The following FANCA variants were observed in gnomAD, a reference collection of about 807,000 sequenced individuals.
The protein encoded by FANCA is FA complementation group A.
In FANCA, 236 loss-of-function variants were observed where a neutral mutation model predicts 194.3. The observed-to-expected ratio is 1.21, with a 90% CI of 1.09 to 1.35. The LOEUF is 1.35. Among genes scored for constraint, FANCA ranks in the 40% most tolerant of loss-of-function variants. The pLI, the probability that FANCA is intolerant of heterozygous loss-of-function variation, is 0.00. For synonymous variants in FANCA, 1,014 were observed against 715.8 expected (o/e 1.42, Z -6.65); for missense variants, 2,628 against 1,813.9 (o/e 1.45, Z -8.15).
chr16:89,812,817 G>A lies in FANCA; in HGVS notation c.283+1703C>T, dbSNP rs181601717. ...CAGGAGGCCGAGGCGGGTCGATCAC[G>A]AGGTCAGGAGTTTGAGACCAGCCTG... is the stretch of plus-strand genomic sequence containing the variant. On this transcript the variant is annotated intron_variant, in intron 3 of 42. Transcript: ENST00000389301. Among the ~76,000 whole-genome samples the A allele has an allele frequency of 4.8e-4, 73 of 151,384 alleles. 1 individual carries two copies. The highest frequency in any genetic ancestry group is 4.7e-3 in the Admixed American group (71 of 15,206).
chr16:89,752,459 G>A (rs984405195), intron 30 of FANCA, among the ~76,000 whole-genome samples: 1 of 152,184 alleles, frequency 6.6e-6, no homozygotes, highest in Admixed American at 6.5e-5. Context: ...AAGGATGTGG[G>A]TGGCAAGCCA....
At chr16:89,750,263 C>G (rs1024416801) in intron 31 of FANCA, among the ~76,000 whole-genome samples, 5 of 151,802 alleles carry the variant, frequency 3.3e-5, no homozygotes, top group Admixed American at 3.3e-4. Context: ...AGGAGGATCA[C>G]GAGGTCAGGA....
At chr16:89,799,276 C>G (rs145701654) in intron 9 of FANCA, 44 bp from the exon 10 acceptor site, 1 of 1,609,798 alleles carries the variant, frequency 6.2e-7, no homozygotes, top group Non-Finnish European at 8.5e-7. Context: ...CAGCACACGG[C>G]GGCAGCCCAC....
At chr16:89,807,872 G>C (rs911419330) in intron 6 of FANCA, among the ~76,000 whole-genome samples, 1 of 151,422 alleles carries the variant, frequency 6.6e-6, no homozygotes, top group African/African-American at 2.4e-5. Flanking sequence ...GACAGAACGA[G>C]ACTCTGTCCC....
chr16:89,749,461 A>C (rs975311464), intron 32 of FANCA, among the ~76,000 whole-genome samples: 9 of 152,230 alleles, frequency 5.9e-5, no homozygotes, highest in African/African-American at 2.2e-4. Context: ...TCCTGACCTC[A>C]GGTGATCCAC....
At position 89,803,285 on chromosome 16, in the gene FANCA, T is replaced by G; in HGVS notation, c.766A>C (p.Thr256Pro). ...TGCGGCATTTTTTCAGGCTCCACAG[T>G]TCTTCTCAGATCTGAGTTTTTCTGA... ...GFQKNSDLRR[T>P]VEPEKMPQVT... The change falls in exon 8 of 43, where the codon ACT becomes CCT. Residue 256 changes from threonine to proline, a missense_variant. By Grantham distance (38) the Thr-to-Pro change is conservative. Coordinates refer to ENST00000389301, the MANE Select transcript of FANCA (RefSeq NM_000135.4). 6.2e-7 allele frequency: 1 copy of G among 1,614,080 alleles called. No homozygotes were observed. The highest frequency in any genetic ancestry group is 8.5e-7 in the Non-Finnish European group (1 of 1,180,000).
intron 27 of FANCA, 138 bp from the exon 28 acceptor site, chr16:89,765,204 T>C: frequency 9.6e-7 from 1 of 1,046,458 alleles, no homozygotes; most frequent in South Asian, 1.4e-5. Flanking sequence ...GTCCAGCCCC[T>C]GGGAGGGCGC....
At position 89,762,039 on chromosome 16, in the gene FANCA, G is replaced by C. The variant is rs1370919778; in HGVS notation, c.2779-17C>G. The C allele has an allele frequency of 1.3e-6, 2 of 1,598,926 alleles. No homozygotes were observed. The highest frequency in any genetic ancestry group is 4.5e-5 in the East Asian group (2 of 44,764). On this transcript the variant is annotated splice_polypyrimidine_tract_variant and intron_variant, in intron 28 of 42. Coordinates refer to ENST00000389301, the MANE Select transcript of FANCA (RefSeq NM_000135.4). ...GTAAGTTAACTGAGAAAGAGAGCAA[G>C]CAATTCAATACAATGAGGACAGAAC...
chr16:89,792,147 C>T (rs1392049286), intron 12 of FANCA, 79 bp from the exon 13 acceptor site: 35 of 1,549,388 alleles, frequency 2.3e-5, no homozygotes, highest in East Asian at 1.1e-4. Context: ...TCCTCCCAGC[C>T]GGTGGCCACC....
At chr16:89,758,139 G>A (rs953961134) in intron 30 of FANCA, among the ~76,000 whole-genome samples, 2 of 152,186 alleles carry the variant, frequency 1.3e-5, no homozygotes, top group Admixed American at 6.5e-5. Context: ...TTACAGGTGT[G>A]AGCCACCACG....
chr16:89,773,126 G>A (rs1428775437), intron 22 of FANCA, 145 bp downstream of exon 22: 11 of 705,218 alleles, frequency 1.6e-5, no homozygotes, highest in Admixed American at 4.2e-5. Flanking sequence ...TTCCACACCC[G>A]CCAGCCCGGG....
chr16:89,758,899 G>T (rs947280230), intron 29 of FANCA, among the ~76,000 whole-genome samples, 194 bp from the exon 30 acceptor site: 3 of 152,138 alleles, frequency 2.0e-5, no homozygotes, highest in African/African-American at 7.2e-5. Flanking sequence ...TGTGGGAAAG[G>T]CCTGGTCTCA....
At chr16:89,773,243 C>G in intron 22 of FANCA, 28 bp downstream of exon 22, 1 of 1,509,654 alleles carries the variant, frequency 6.6e-7, no homozygotes, top group Non-Finnish European at 9.0e-7. Flanking sequence ...ACACATGAGA[C>G]ACAGCATGAG....
chr16:89,762,074 A>C (rs749324715), intron 28 of FANCA, 52 bp from the exon 29 acceptor site: 6 of 1,411,116 alleles, frequency 4.3e-6, no homozygotes, highest in Non-Finnish European at 6.0e-6. Flanking sequence ...CACACAATCC[A>C]CCGACAGGTT....
intron 11 of FANCA, 110 bp downstream of exon 11, chr16:89,795,796 T>A: frequency 1.3e-6 from 1 of 797,674 alleles, no homozygotes; most frequent in Middle Eastern, 2.6e-4. Context: ...AAGACAGACG[T>A]AAAAGAGGTC....
intron 10 of FANCA, chr16:89,798,434 C>A: frequency 9.2e-7 from 1 of 1,087,264 alleles, no homozygotes; most frequent in Non-Finnish European, 1.1e-6. Flanking sequence ...AGCAGTTAAA[C>A]AGTTACTGTG....
intron 6 of FANCA, among the ~76,000 whole-genome samples, chr16:89,806,147 A>G (rs1312783620): frequency 6.6e-6 from 1 of 152,012 alleles, no homozygotes; most frequent in Non-Finnish European, 1.5e-5. Flanking sequence ...TCCTGACCTC[A>G]GGTGATCTGC....
At chr16:89,740,891 T>C in intron 37 of FANCA, 25 bp from the exon 38 acceptor site, 3 of 1,590,614 alleles carry the variant, frequency 1.9e-6, no homozygotes, top group Middle Eastern at 1.7e-4. Context: ...GTGCACTTAT[T>C]ATTACATTAA....
At chr16:89,779,037 A>C (rs1369166042) in intron 18 of FANCA, 34 bp from the exon 19 acceptor site, 2 of 1,606,860 alleles carry the variant, frequency 1.2e-6, no homozygotes, top group Non-Finnish European at 1.7e-6. Context: ...TGCATCAGTC[A>C]GAGCAGCGAG....
Sources: gnomAD v4.1 joint callset for allele counts (sites outside exome capture counted in the v4.1 genomes callset) on GRCh38, gnomAD v4.1.1 for gene constraint, MANE v1.5 for transcripts, NCBI Gene and HGNC (gene_info 2026-07-23, HGNC 2026-07-21) for gene names.